The following RABGAP1L variants were observed in gnomAD, a reference collection of about 807,000 sequenced individuals.
RABGAP1L encodes RAB GTPase activating protein 1 like, also known as rab GTPase-activating protein 1-like.
RABGAP1L carries 63 observed loss-of-function variants against 137.7 expected under a neutral mutation model. That is an observed-to-expected ratio of 0.46 (90% CI 0.37 to 0.56). RABGAP1L has a LOEUF of 0.56. RABGAP1L is among the 20% of genes least tolerant of loss of function. The pLI is 0.00. For missense variants in RABGAP1L, 1,095 were observed against 1,244.0 expected, an observed-to-expected ratio of 0.88 and a Z score of 1.80; for synonymous variants, 431 against 433.7, an observed-to-expected ratio of 0.99 and a Z score of 0.08.
At chr1:174,262,742 C>G (rs537069455) in intron 7 of RABGAP1L, among the ~76,000 whole-genome samples, 4 of 152,334 alleles carry the variant, frequency 2.6e-5, no homozygotes, top group African/African-American at 7.2e-5. Flanking sequence ...GGTATTTTAA[C>G]CATATCCTAT....
chr1:174,181,332 C>CTTTTTTTTTTTTTTTTTTTT (rs1201957112), intron 1 of RABGAP1L, among the ~76,000 whole-genome samples: 2 of 142,822 alleles, frequency 1.4e-5, no homozygotes, highest in Non-Finnish European at 3.1e-5. Context: ...AAGGGTCTTT[C>CTTTTTTTTTTTTTTTTTTTT]TTTTTTTCTT....
In RABGAP1L at chr1:174,252,523, C is replaced by G; in HGVS notation, c.919C>G (p.Gln307Glu). Reference sequence around the variant, plus strand: ...AGATAAATTTTATTTCAAATTAAAGCAAGGAATAGAGAAGAAGGTTGTGAT... The same window carrying G: ...AGATAAATTTTATTTCAAATTAAAGGAAGGAATAGAGAAGAAGGTTGTGAT... ...DRDKFYFKLK[Q>E]GIEKKVVITV... Residue 307 changes from glutamine (Q) to glutamate (E), a missense_variant, in exon 7 of 26, where the codon CAA (glutamine) becomes GAA (glutamate). Transcript: ENST00000681986. 1 of 1,612,940 alleles carries G rather than the reference C, an allele frequency of 6.2e-7. No individual in the cohort carries two copies. Among genetic ancestry groups the G allele is most frequent in the Non-Finnish European group, 8.5e-7 (1 of 1,179,596 alleles).
At chr1:174,797,339 A>G (rs927250338) in intron 18 of RABGAP1L, among the ~76,000 whole-genome samples, 4 of 152,124 alleles carry the variant, frequency 2.6e-5, no homozygotes, top group African/African-American at 9.7e-5. Context: ...CTTGTTCTTA[A>G]ATGTGAAATG....
At chr1:174,273,441 A>C (rs1674719864) in intron 8 of RABGAP1L, among the ~76,000 whole-genome samples, 1 of 152,048 alleles carries the variant, frequency 6.6e-6, no homozygotes, top group African/African-American at 2.4e-5. Flanking sequence ...GTGGTACTTC[A>C]AGCCACAGAA....
intron 19 of RABGAP1L, among the ~76,000 whole-genome samples, chr1:174,944,436 G>T (rs1666416077): frequency 6.6e-6 from 1 of 151,924 alleles, no homozygotes; most frequent in Non-Finnish European, 1.5e-5. Flanking sequence ...TTGAGCCCAG[G>T]AGTTCAAGAC....
At chr1:174,569,562 A>G (rs551983557) in intron 13 of RABGAP1L, among the ~76,000 whole-genome samples, 3 of 152,146 alleles carry the variant, frequency 2.0e-5, no homozygotes, top group Non-Finnish European at 4.4e-5. Context: ...CCTGACACGA[A>G]TCCTTACTAA....
At chr1:174,712,279 A>C (rs142586507) in intron 17 of RABGAP1L, among the ~76,000 whole-genome samples, 1 of 152,192 alleles carries the variant, frequency 6.6e-6, no homozygotes, top group Non-Finnish European at 1.5e-5. Context: ...TGCTCTTTGC[A>C]GTAAATTTTG....
At chr1:174,403,051 C>T (rs1388431468) in intron 13 of RABGAP1L, among the ~76,000 whole-genome samples, 1 of 151,852 alleles carries the variant, frequency 6.6e-6, no homozygotes, top group East Asian at 1.9e-4. Context: ...TTGTATGTAA[C>T]GTGTGTACTG....
intron 19 of RABGAP1L, among the ~76,000 whole-genome samples, chr1:174,819,269 A>AAG (rs1690769840): frequency 6.6e-6 from 1 of 151,604 alleles, no homozygotes; most frequent in Non-Finnish European, 1.5e-5. Context: ...GAGTAAGTAC[A>AAG]AGAGAGAGAG....
At chr1:174,684,628 C>T (rs1355970067) in intron 15 of RABGAP1L, among the ~76,000 whole-genome samples, 1 of 152,034 alleles carries the variant, frequency 6.6e-6, no homozygotes, top group African/African-American at 2.4e-5. Context: ...TCTTTTCATA[C>T]CTGTGTAAAG....
rs547075769 is a variant in RABGAP1L, at chr1:174,495,115, G to T, written c.1710+100970G>T. On this transcript the variant is annotated intron_variant, in intron 13 of 25. Transcript: ENST00000681986. ...CAGCCTGGGTTGTAAGGCTTATAATGAGTGTTTGCCCTAGTCTGGGGATTC... is the reference window on the plus strand; with the variant it reads ...CAGCCTGGGTTGTAAGGCTTATAATTAGTGTTTGCCCTAGTCTGGGGATTC... Among the ~76,000 whole-genome samples, 143 of 152,264 alleles carry T rather than the reference G, an allele frequency of 9.4e-4. 1 individual carries two copies. The South Asian group carries it at 0.02, about 21-fold the overall frequency.
intron 20 of RABGAP1L, among the ~76,000 whole-genome samples, chr1:174,963,200 T>C (rs963677023): frequency 4.6e-5 from 7 of 152,178 alleles, no homozygotes; most frequent in East Asian, 1.9e-4. Flanking sequence ...TAGTATGTTA[T>C]GAAATAATGT....
intron 19 of RABGAP1L, among the ~76,000 whole-genome samples, chr1:174,815,731 G>A (rs1016922925): frequency 1.3e-5 from 2 of 152,192 alleles, no homozygotes; most frequent in African/African-American, 4.8e-5. Context: ...TCCAAAACTT[G>A]TATGACATTA....
At chr1:174,612,666 G>A (rs1671375833) in intron 13 of RABGAP1L, among the ~76,000 whole-genome samples, 1 of 152,118 alleles carries the variant, frequency 6.6e-6, no homozygotes, top group South Asian at 2.1e-4. Context: ...GTAGAATTCG[G>A]CTGTGAATCC....
Position 174,761,288 on chromosome 1 carries a change from A to G in RABGAP1L, c.2211+8934A>G, listed in dbSNP as rs1685196467. Reference sequence around the variant, plus strand: ...AAATGCAAACTTGAGGAGGCCAGAAAGATCACACACAAGACTGCCACTTCA... The same window carrying G: ...AAATGCAAACTTGAGGAGGCCAGAAGGATCACACACAAGACTGCCACTTCA... On this transcript the variant is annotated intron_variant, in intron 18 of 25. Transcript: ENST00000681986. This position sits in a 1 kb window ranked among gnomAD's most constrained non-coding sequence, Gnocchi z 4.0. Among the ~76,000 whole-genome samples the G allele has an allele frequency of 6.6e-6, 1 of 152,262 alleles. No homozygotes were observed. Among genetic ancestry groups the G allele is most frequent in the African/African-American group, 2.4e-5 (1 of 41,474 alleles).
intron 9 of RABGAP1L, 55 bp from the exon 10 acceptor site, chr1:174,278,558 A>T: frequency 7.1e-7 from 1 of 1,412,624 alleles, no homozygotes; most frequent in Non-Finnish European, 9.8e-7. Context: ...AACTTTGTTT[A>T]AAGTAGACAA....
At chr1:174,533,992 A>G (rs534501948) in intron 13 of RABGAP1L, among the ~76,000 whole-genome samples, 7 of 152,258 alleles carry the variant, frequency 4.6e-5, no homozygotes, top group South Asian at 2.1e-4. Context: ...GTGTTAATCA[A>G]CTGTTTATGT....
chr1:174,498,016 C>T (rs1160821747), intron 13 of RABGAP1L, among the ~76,000 whole-genome samples: 1 of 152,164 alleles, frequency 6.6e-6, no homozygotes, highest in East Asian at 1.9e-4. Flanking sequence ...CCTGAAAGTG[C>T]ATTACCTTAG....
chr1:174,345,152 T>C (rs763771204), intron 11 of RABGAP1L, among the ~76,000 whole-genome samples: 8 of 152,214 alleles, frequency 5.3e-5, no homozygotes, highest in African/African-American at 9.6e-5. Flanking sequence ...TACATGTCTT[T>C]TATTTAATGC....
Sources: gnomAD v4.1 joint callset for allele counts (sites outside exome capture counted in the v4.1 genomes callset) on GRCh38, gnomAD v4.1.1 for gene constraint, Gnocchi (gnomAD v3.1) non-coding constraint, MANE v1.5 for transcripts, NCBI Gene and HGNC (gene_info 2026-07-23, HGNC 2026-07-21) for gene names.